PTPRD: variants seen among roughly 807,000 people sequenced by gnomAD.
PTPRD encodes protein tyrosine phosphatase receptor type D.
PTPRD carries 34 observed loss-of-function variants against 214.5 expected under a neutral mutation model. That is an observed-to-expected ratio of 0.16 (90% confidence interval 0.12 to 0.21). The LOEUF is 0.21. PTPRD is among the 10% of genes least tolerant of loss of function. The probability of loss-of-function intolerance (pLI) is 1.00; values close to 1 mark genes in which losing one functional copy is unlikely to be tolerated. For synonymous variants in PTPRD, 1,128 were observed against 845.7 expected (o/e 1.33, Z -5.79); for missense variants, 2,545 against 2,398.7 (o/e 1.06, Z -1.27).
chr9:8,427,971 C>T (rs2094798631), intron 35 of PTPRD, among the ~76,000 whole-genome samples: 1 of 151,872 alleles, frequency 6.6e-6, no homozygotes, highest in South Asian at 2.1e-4. Flanking sequence ...GTCAGGAAAC[C>T]TGATAAGCAT....
intron 9 of PTPRD, among the ~76,000 whole-genome samples, chr9:9,385,608 A>T (rs2140533098): frequency 6.6e-6 from 1 of 152,302 alleles, no homozygotes; most frequent in South Asian, 2.1e-4. Context: ...GGCTATGTGC[A>T]TGCTTGTGTG....
chr9:10,462,266 A>C (rs2098964584), intron 2 of PTPRD, among the ~76,000 whole-genome samples: 1 of 152,304 alleles, frequency 6.6e-6, no homozygotes, highest in African/African-American at 2.4e-5. Context: ...GAATTCATGT[A>C]GAAATATTTC....
chr9:9,743,522 A>G (rs1334585428), intron 6 of PTPRD, among the ~76,000 whole-genome samples: 2 of 152,078 alleles, frequency 1.3e-5, no homozygotes, highest in African/African-American at 2.4e-5. Flanking sequence ...CCTGGACTTC[A>G]TGGGCCATCT....
At chr9:8,686,094 C>T (rs1298254061) in intron 12 of PTPRD, among the ~76,000 whole-genome samples, 1 of 152,216 alleles carries the variant, frequency 6.6e-6, no homozygotes, top group African/African-American at 2.4e-5. Flanking sequence ...ACTATCAAAA[C>T]ATCTATAACC....
chr9:9,473,505 A>G (rs2094783801), intron 8 of PTPRD, among the ~76,000 whole-genome samples: 1 of 152,130 alleles, frequency 6.6e-6, no homozygotes, highest in Admixed American at 6.5e-5. Flanking sequence ...AGATTGCTGG[A>G]GTGCATGGTA....
intron 9 of PTPRD, among the ~76,000 whole-genome samples, chr9:9,381,479 GC>G (rs2140322370): frequency 6.6e-6 from 1 of 150,828 alleles, no homozygotes; most frequent in East Asian, 2.0e-4. Flanking sequence ...TCTCACTATG[GC>G]CTCCTGTGTA....
chr9:10,490,920 A>G (rs1344834263), intron 2 of PTPRD, among the ~76,000 whole-genome samples: 4 of 152,180 alleles, frequency 2.6e-5, no homozygotes, highest in Non-Finnish European at 5.9e-5. Flanking sequence ...AATAGGTTAT[A>G]AGTGGGGTTA....
intron 4 of PTPRD, among the ~76,000 whole-genome samples, chr9:9,952,350 A>G (rs1212544953): frequency 6.6e-6 from 1 of 152,200 alleles, no homozygotes; most frequent in Non-Finnish European, 1.5e-5. Flanking sequence ...TAAAATGTGT[A>G]ATGCTCAGCA....
chr9:8,936,623 G>A lies in PTPRD; in HGVS notation c.-104+82074C>T, dbSNP rs539661610. ...GAAACTTCAACTGACTATTTACAGG[G>A]AATAGAAACAATCACTACATAGGAA... On this transcript the variant is annotated intron_variant, in intron 11 of 45. Coordinates refer to ENST00000381196, the MANE Select transcript of PTPRD (RefSeq NM_002839.4). 2.5e-4 allele frequency among the ~76,000 whole-genome samples: 38 copies of A among 152,118 alleles called. No homozygotes were observed. In the South Asian group the frequency reaches 7.7e-3, roughly 31 times the overall value.
intron 2 of PTPRD, among the ~76,000 whole-genome samples, chr9:10,496,698 G>A (rs181529626): frequency 5.9e-5 from 9 of 152,042 alleles, no homozygotes; most frequent in Admixed American, 5.3e-4. Context: ...GCATTTCTCT[G>A]ATAATTAGTG....
chr9:9,068,090 C>A (rs904004024), intron 10 of PTPRD, among the ~76,000 whole-genome samples: 1 of 151,934 alleles, frequency 6.6e-6, no homozygotes, highest in Non-Finnish European at 1.5e-5. Flanking sequence ...TAATATTTAA[C>A]CTTTTTTAGA....
At chr9:8,845,400 G>C (rs1000104516) in intron 11 of PTPRD, among the ~76,000 whole-genome samples, 8 of 152,170 alleles carry the variant, frequency 5.3e-5, no homozygotes, top group Admixed American at 2.0e-4. Context: ...GTTGCAACCT[G>C]ACATACTCCT....
intron 7 of PTPRD, among the ~76,000 whole-genome samples, chr9:9,629,238 G>GTGTGTGTATATATATATATATATATATA (rs149327972): frequency 1.4e-5 from 2 of 140,368 alleles, no homozygotes; most frequent in African/African-American, 5.6e-5. Context: ...GTGTGTGTGT[G>GTGTGTGTATATATATATATATATATATA]TATATATATA....
intron 8 of PTPRD, among the ~76,000 whole-genome samples, chr9:9,491,439 A>G (rs2095891319): frequency 6.6e-6 from 1 of 151,990 alleles, no homozygotes; most frequent in Non-Finnish European, 1.5e-5. Flanking sequence ...TTTACCAACT[A>G]GATCTAACGG....
chr9:9,338,469 T>TA (rs2045478976), intron 9 of PTPRD, among the ~76,000 whole-genome samples: 2 of 152,168 alleles, frequency 1.3e-5, no homozygotes, highest in Non-Finnish European at 2.9e-5. Context: ...TTTTTTTAGT[T>TA]AAAAAACATT....
At chr9:8,632,825 T>A (rs149378677) in intron 14 of PTPRD, among the ~76,000 whole-genome samples, 39 of 152,126 alleles carry the variant, frequency 2.6e-4, no homozygotes, top group African/African-American at 9.1e-4. Flanking sequence ...AAATAAAAAA[T>A]GTATTTTTTT....
intron 12 of PTPRD, among the ~76,000 whole-genome samples, chr9:8,668,629 T>C (rs1031376210): frequency 2.0e-5 from 3 of 152,128 alleles, no homozygotes; most frequent in Admixed American, 6.5e-5. Flanking sequence ...GATGGTGAAA[T>C]TACTACTAGA....
chr9:10,595,416 T>C (rs986847232), intron 2 of PTPRD, among the ~76,000 whole-genome samples: 5 of 151,742 alleles, frequency 3.3e-5, no homozygotes, highest in African/African-American at 9.7e-5. Context: ...TCAGTGATAA[T>C]TCAGTAAGCT....
chr9:9,146,897 T>C (rs1192023483), intron 10 of PTPRD, among the ~76,000 whole-genome samples: 1 of 152,062 alleles, frequency 6.6e-6, no homozygotes, highest in Non-Finnish European at 1.5e-5. Flanking sequence ...AGAACAACAA[T>C]AACTAAACAC....
Sources: allele counts gnomAD v4.1 joint callset (sites outside exome capture counted in the v4.1 genomes callset), GRCh38; gene constraint gnomAD v4.1.1; transcripts MANE v1.5; gene names NCBI Gene and HGNC (gene_info 2026-07-23, HGNC 2026-07-21).